Variants in SLC44A1 observed in about 807,000 individuals in gnomAD.
SLC44A1 encodes solute carrier family 44 member 1.
A neutral mutation model predicts 79.3 loss-of-function variants in SLC44A1; 26 were observed. The observed-to-expected ratio is 0.33, with a 90% CI of 0.24 to 0.46. SLC44A1 has a LOEUF of 0.46. SLC44A1 is among the 20% of genes least tolerant of loss of function. SLC44A1 has a pLI of 1.00. For missense variants in SLC44A1, 688 were observed against 798.1 expected (o/e 0.86, Z 1.66); for synonymous variants, 263 against 286.2 (o/e 0.92, Z 0.82).
chr9:105,416,043 A>C (rs1829166941), intron 15 of SLC44A1, among the ~76,000 whole-genome samples: 1 of 151,692 alleles, frequency 6.6e-6, no homozygotes, highest in Non-Finnish European at 1.5e-5. Context: ...CTGAGACTAT[A>C]GGTGCCCACC....
At chr9:105,378,765 A>G (rs1828371360) in intron 13 of SLC44A1, among the ~76,000 whole-genome samples, 2 of 152,182 alleles carry the variant, frequency 1.3e-5, no homozygotes, top group Non-Finnish European at 2.9e-5. Flanking sequence ...AATACAGTAA[A>G]TCTTTTGAAA....
intron 5 of SLC44A1, among the ~76,000 whole-genome samples, chr9:105,351,884 C>G (rs1827459322): frequency 6.6e-6 from 1 of 152,122 alleles, no homozygotes; most frequent in Non-Finnish European, 1.5e-5. Context: ...AAAGCCACAC[C>G]ACTAATTGTT....
chr9:105,367,321 G>A (rs1283959202), intron 12 of SLC44A1, among the ~76,000 whole-genome samples: 1 of 152,134 alleles, frequency 6.6e-6, no homozygotes, highest in Admixed American at 6.5e-5. Context: ...CCATGGTATT[G>A]AGCATGCCTG....
chr9:105,390,555 A>G lies in SLC44A1; in HGVS notation c.*1499A>G. ...TTAGATCGGTATTATGGAAATGCAT[A>G]CAAGTAATGTCACTAGGGCTTAATA... On this transcript the variant is annotated 3_prime_UTR_variant, in exon 16 of 16. Coordinates refer to ENST00000374720, the MANE Select transcript of SLC44A1 (RefSeq NM_080546.5). 7.1e-6 allele frequency: 7 copies of G among 985,704 alleles called. No homozygotes were observed. The South Asian group carries it at 3.3e-4, about 46-fold the overall frequency. 61.1% of individuals were successfully genotyped at this position (985,704 alleles called of 1,614,324 possible).
At position 105,411,446 on chromosome 9, in the gene SLC44A1, C is replaced by CTGTGTGTGTG. The variant is rs1156343764; in HGVS notation, c.1950+25949_1950+25950insGTGTGTGTGT. Among the ~76,000 whole-genome samples the CTGTGTGTGTG allele has an allele frequency of 6.3e-4, 90 of 142,772 alleles. 1 individual carries two copies. The highest frequency in any genetic ancestry group is 3.4e-3 in the Middle Eastern group (1 of 290). The allele number at this position is 142,772 out of a possible 152,430, so 93.7% of individuals were successfully genotyped here. Reference sequence around the variant, plus strand: ...TGTCTCCATCTCTCTTGGTCTCTCTCTGTGTATGTGTGTGTGTGTGTGTGT... The same window carrying CTGTGTGTGTG: ...TGTCTCCATCTCTCTTGGTCTCTCTCTGTGTGTGTGTGTGTATGTGTGTGTGTGTGTGTGT... On this transcript the variant is annotated intron_variant, in intron 15 of 15. Coordinates refer to the SLC44A1 transcript ENST00000374724.
At chr9:105,301,692 T>G (rs1208598643) in intron 2 of SLC44A1, among the ~76,000 whole-genome samples, 6 of 152,238 alleles carry the variant, frequency 3.9e-5, no homozygotes, top group Admixed American at 3.9e-4. Context: ...CTTTTAAATT[T>G]TTTTCAATGA....
At chr9:105,329,507 G>T (rs1826684784) in intron 3 of SLC44A1, among the ~76,000 whole-genome samples, 2 of 152,122 alleles carry the variant, frequency 1.3e-5, no homozygotes, top group South Asian at 2.1e-4. Flanking sequence ...AATGGCAAAG[G>T]CTCATCTCTG....
intron 5 of SLC44A1, among the ~76,000 whole-genome samples, chr9:105,352,142 G>C (rs886255550): frequency 2.6e-5 from 4 of 152,130 alleles, no homozygotes; most frequent in Non-Finnish European, 5.9e-5. Context: ...TAAAAAGGGT[G>C]AAAGAAGAGA....
chr9:105,285,155 A>G (rs1041737452), intron 1 of SLC44A1, among the ~76,000 whole-genome samples: 1 of 152,212 alleles, frequency 6.6e-6, no homozygotes, highest in Admixed American at 6.5e-5. Flanking sequence ...TTAATCACTC[A>G]TCAGTTGATG....
chr9:105,429,412 C>A (rs1239583940), intron 15 of SLC44A1, among the ~76,000 whole-genome samples: 2 of 152,218 alleles, frequency 1.3e-5, no homozygotes, highest in Non-Finnish European at 2.9e-5. Context: ...AAGCCATCCT[C>A]CCACCTCAGC....
chr9:105,376,117 T>G (rs1038327926), intron 13 of SLC44A1, among the ~76,000 whole-genome samples: 2 of 152,152 alleles, frequency 1.3e-5, no homozygotes, highest in Non-Finnish European at 2.9e-5. Flanking sequence ...CCAACTGTAT[T>G]TTTTAAGTGT....
intron 3 of SLC44A1, among the ~76,000 whole-genome samples, chr9:105,315,222 T>C (rs750276063): frequency 1.4e-4 from 22 of 151,962 alleles, no homozygotes; most frequent in Admixed American, 5.9e-4. Context: ...TTTCTTTCTC[T>C]GTCAAATAAA....
intron 15 of SLC44A1, among the ~76,000 whole-genome samples, chr9:105,411,062 C>T (rs1020116860): frequency 3.7e-4 from 56 of 152,076 alleles, no homozygotes; most frequent in Admixed American, 3.2e-3. Context: ...ATTGGAAATA[C>T]GGTTTCCTTT....
rs570838949 is a variant in SLC44A1, at chr9:105,394,352, A to G, written c.*5296A>G. The G allele has an allele frequency of 1.0e-6, 1 of 985,346 alleles. No homozygotes were observed. The highest frequency in any genetic ancestry group is 1.7e-5 in the African/African-American group (1 of 57,306). The allele number at this position is 985,346 out of a possible 1,614,324, so 61.0% of individuals were successfully genotyped here. A position where few individuals can be genotyped will look rare whatever the true frequency, so the allele number is the denominator to read the frequency against. ...GAAACCACACTAATCTGAAGGAATA[A>G]CAAGATGATCAACACTGAATCTTCA... is the stretch of plus-strand genomic sequence containing the variant. On this transcript the variant is annotated 3_prime_UTR_variant, in exon 16 of 16. Coordinates refer to ENST00000374720, the MANE Select transcript of SLC44A1 (RefSeq NM_080546.5).
chr9:105,385,879 C>A (rs1828614229), intron 15 of SLC44A1: 11 of 985,320 alleles, frequency 1.1e-5, no homozygotes, highest in Non-Finnish European at 1.3e-5. Context: ...TGATTTTTAT[C>A]ATTTTGGAAG....
chr9:105,250,023 C>T (rs569716560), intron 1 of SLC44A1, among the ~76,000 whole-genome samples: 1 of 151,826 alleles, frequency 6.6e-6, no homozygotes, highest in Admixed American at 6.6e-5. Flanking sequence ...CACGAGCTCA[C>T]GCCTGGCTAT....
chr9:105,289,179 A>G (rs190038198), intron 1 of SLC44A1, among the ~76,000 whole-genome samples: 34 of 152,330 alleles, frequency 2.2e-4, no homozygotes, highest in Admixed American at 1.6e-3. Flanking sequence ...TGGTTTATTT[A>G]TTCACTAAAT....
In SLC44A1 at chr9:105,366,319, T is replaced by C. The variant is rs369580363; in HGVS notation, c.1411-27T>C. 5.4e-5 allele frequency: 70 copies of C among 1,293,856 alleles called. No individual in the cohort carries two copies. The African/African-American group carries it at 8.2e-4, about 15-fold the overall frequency. The allele number at this position is 1,293,856 out of a possible 1,614,324, so 80.1% of individuals were successfully genotyped here. A position where few individuals can be genotyped will look rare whatever the true frequency, so the allele number is the denominator to read the frequency against. Reference sequence around the variant, plus strand: ...TGACAGTTTGATTCTTTGGTTTTTTTATTATTTCCATTTTTCCCCCATCCA... The same window carrying C: ...TGACAGTTTGATTCTTTGGTTTTTTCATTATTTCCATTTTTCCCCCATCCA... On this transcript the variant is annotated intron_variant, in intron 11 of 15. Coordinates refer to ENST00000374720, the MANE Select transcript of SLC44A1 (RefSeq NM_080546.5).
chr9:105,322,758 A>G lies in SLC44A1; in HGVS notation c.270-12805A>G, dbSNP rs374750061. Among the ~76,000 whole-genome samples, 8 of 152,224 alleles carry G rather than the reference A, an allele frequency of 5.3e-5. No individual in the cohort carries two copies. In the East Asian group the frequency reaches 1.5e-3, roughly 29 times the overall value. On this transcript the variant is annotated intron_variant, in intron 3 of 15. Coordinates refer to ENST00000374720, the MANE Select transcript of SLC44A1 (RefSeq NM_080546.5). The stretch of plus-strand genomic sequence containing the variant: ...TTTAGATCTACTTTAATCTCATACC[A>G]TGCAAAATAAGTTCCACATGGGTTA...
Sources: gnomAD v4.1 joint callset for allele counts (sites outside exome capture counted in the v4.1 genomes callset) on GRCh38, gnomAD v4.1.1 for gene constraint, MANE v1.5 for transcripts, NCBI Gene and HGNC (gene_info 2026-07-23, HGNC 2026-07-21) for gene names.